ATP10B: variants seen among roughly 807,000 people sequenced by gnomAD.
ATP10B encodes phospholipid-transporting ATPase VB.
Under a neutral mutation model 141.2 loss-of-function variants are expected in ATP10B, and 122 were observed. That is an observed-to-expected ratio of 0.86 (90% CI 0.75 to 1.00). The LOEUF (loss-of-function observed/expected upper bound fraction) is 1.00. ATP10B is among the 50% of genes least tolerant of loss of function. The probability of loss-of-function intolerance (pLI) is 0.00; values close to 1 mark genes in which losing one functional copy is unlikely to be tolerated. For synonymous variants in ATP10B, 685 were observed against 692.0 expected (o/e 0.99, Z 0.16); for missense variants, 1,876 against 1,825.3 (o/e 1.03, Z -0.51).
At position 160,664,957 on chromosome 5, in the gene ATP10B, A is replaced by C. The variant is rs138830688; in HGVS notation, c.675+5506T>G. ...TTACAGAAGAGGTTTCAGGTATCAG[A>C]ATGTCACCAAAGAGAAAACTGTACG... On this transcript the variant is annotated intron_variant, in intron 7 of 25. Coordinates refer to ENST00000327245, the MANE Select transcript of ATP10B (RefSeq NM_025153.3). Among the ~76,000 whole-genome samples the C allele has an allele frequency of 9.5e-3, 1,449 of 152,306 alleles. 16 individuals carry two copies. The highest frequency in any genetic ancestry group is 0.032 in the African/African-American group (1,336 of 41,556).
At chr5:160,749,645 G>A (rs1266856194) in intron 2 of ATP10B, among the ~76,000 whole-genome samples, 1 of 152,064 alleles carries the variant, frequency 6.6e-6, no homozygotes, top group African/African-American at 2.4e-5. Flanking sequence ...CTCATACCTG[G>A]CATTTAAAAT....
chr5:160,609,580 T>C (rs1376494079), intron 18 of ATP10B, among the ~76,000 whole-genome samples: 2 of 152,162 alleles, frequency 1.3e-5, no homozygotes, highest in African/African-American at 4.8e-5. Context: ...GGTTTCACCA[T>C]TTTGGCCAGG....
intron 6 of ATP10B, among the ~76,000 whole-genome samples, chr5:160,671,969 CTTTTT>C (rs70990741): frequency 4.4e-5 from 3 of 68,412 alleles, no homozygotes; most frequent in East Asian, 4.8e-4. Flanking sequence ...GCAATGCATC[CTTTTT>C]TTTTTTTTTT....
intron 7 of ATP10B, among the ~76,000 whole-genome samples, chr5:160,664,068 A>G (rs910355352): frequency 1.3e-5 from 2 of 152,214 alleles, no homozygotes; most frequent in Non-Finnish European, 2.9e-5. Flanking sequence ...ATGAAGTCAT[A>G]TTTTAAAAGA....
intron 7 of ATP10B, among the ~76,000 whole-genome samples, chr5:160,650,218 A>G (rs1433051411): frequency 6.6e-6 from 1 of 151,906 alleles, no homozygotes; most frequent in Non-Finnish European, 1.5e-5. Flanking sequence ...ACATATGTAC[A>G]TATACACACA....
At chr5:160,568,012 C>A (rs986610769) in intron 25 of ATP10B, among the ~76,000 whole-genome samples, 1 of 152,084 alleles carries the variant, frequency 6.6e-6, no homozygotes, top group South Asian at 2.1e-4. Flanking sequence ...CATGAGTTAG[C>A]AGGTGATGTC....
chr5:160,928,966 C>T, the ATP10B span, among the ~76,000 whole-genome samples: 11 of 152,318 alleles, frequency 7.2e-5, no homozygotes, highest in South Asian at 6.2e-4. Context: ...CTACAACAGC[C>T]CTCATAACAC....
At chr5:160,643,815 G>T (rs1298282191) in intron 9 of ATP10B, among the ~76,000 whole-genome samples, 1 of 152,272 alleles carries the variant, frequency 6.6e-6, no homozygotes, top group Non-Finnish European at 1.5e-5. Flanking sequence ...GTTAAGTTTG[G>T]TGAGGTTATT....
Position 160,834,207 on chromosome 5 carries a change from C to A in ATP10B, c.-576+17734G>T, listed in dbSNP as rs147533001. Among the ~76,000 whole-genome samples, 911 of 152,088 alleles carry A rather than the reference C, an allele frequency of 6.0e-3. 13 individuals are homozygous for A. Among genetic ancestry groups the A allele is most frequent in the African/African-American group, 0.021 (868 of 41,468 alleles). On this transcript the variant is annotated intron_variant, in intron 1 of 25. Transcript: ENST00000327245. ...AGGTGTGGTGGTATAAGCCTGTAATCCTAGCTACTTGGGAGGCTGAGGCAT... is the reference window on the plus strand; with the variant it reads ...AGGTGTGGTGGTATAAGCCTGTAATACTAGCTACTTGGGAGGCTGAGGCAT...
At chr5:160,730,644 T>C (rs985847367) in intron 2 of ATP10B, among the ~76,000 whole-genome samples, 1 of 152,200 alleles carries the variant, frequency 6.6e-6, no homozygotes, top group Non-Finnish European at 1.5e-5. Flanking sequence ...GTAGCTTCTT[T>C]GAAGTTGTCC....
At chr5:160,655,281 CATTTAA>C (rs1427530680) in intron 7 of ATP10B, among the ~76,000 whole-genome samples, 1 of 151,816 alleles carries the variant, frequency 6.6e-6, no homozygotes, top group East Asian at 1.9e-4. Flanking sequence ...TATTTTTAAG[CATTTAA>C]ATTTTTTTTT....
chr5:160,908,420 A>C, the ATP10B span, among the ~76,000 whole-genome samples: 1 of 152,188 alleles, frequency 6.6e-6, no homozygotes, highest in Non-Finnish European at 1.5e-5. Flanking sequence ...TTGAACTAGT[A>C]AGTGAAAGAC....
intron 1 of ATP10B, among the ~76,000 whole-genome samples, chr5:160,825,349 C>G (rs892687703): frequency 1.3e-5 from 2 of 152,126 alleles, no homozygotes; most frequent in African/African-American, 4.8e-5. Context: ...GGCAGTTTCC[C>G]CCATACTGTT....
At chr5:160,927,627 T>G in the ATP10B span, among the ~76,000 whole-genome samples, 3 of 152,196 alleles carry the variant, frequency 2.0e-5, no homozygotes, top group Non-Finnish European at 2.9e-5. Context: ...TCATGATATC[T>G]CCTGTTCCCT....
chr5:160,620,162 G>A (rs1368078107), intron 15 of ATP10B, among the ~76,000 whole-genome samples, 185 bp downstream of exon 15: 1 of 152,176 alleles, frequency 6.6e-6, no homozygotes, highest in East Asian at 1.9e-4. Flanking sequence ...GATTCCCTAG[G>A]TCCAGGAGAT....
intron 2 of ATP10B, among the ~76,000 whole-genome samples, chr5:160,783,820 A>G (rs1166948235): frequency 2.0e-5 from 3 of 152,016 alleles, no homozygotes; most frequent in South Asian, 2.1e-4. Flanking sequence ...ACTGTTTTCC[A>G]TAGTGGTTGT....
the ATP10B span, among the ~76,000 whole-genome samples, chr5:160,873,712 C>A: frequency 1.3e-5 from 2 of 152,334 alleles, no homozygotes; most frequent in Admixed American, 1.3e-4. Context: ...CGAGGCACTG[C>A]CTCACTTGGG....
rs956111612 is a variant in ATP10B at position 160,603,343 on chromosome 5, G to T, written c.3237+622C>A. 1.9e-5 allele frequency: 3 copies of T among 154,164 alleles called. No homozygotes were observed. The East Asian group carries it at 5.7e-4, about 29-fold the overall frequency. 9.5% of individuals were successfully genotyped at this position (154,164 alleles called of 1,614,324 possible). ...TGTGATGATTATTAAAATTCAATGAGATCCTAAATGTGAAGTGTCTAACAC... is the reference window on the plus strand; with the variant it reads ...TGTGATGATTATTAAAATTCAATGATATCCTAAATGTGAAGTGTCTAACAC... On this transcript the variant is annotated intron_variant, in intron 20 of 25. Transcript: ENST00000327245.
At chr5:160,867,360 G>A in the ATP10B span, among the ~76,000 whole-genome samples, 1 of 151,948 alleles carries the variant, frequency 6.6e-6, no homozygotes, top group African/African-American at 2.4e-5. Context: ...TACTTACCTA[G>A]CTATAGCACT....
Sources: gnomAD v4.1 joint callset for allele counts (sites outside exome capture counted in the v4.1 genomes callset) on GRCh38, gnomAD v4.1.1 for gene constraint, MANE v1.5 for transcripts, NCBI Gene and HGNC (gene_info 2026-07-23, HGNC 2026-07-21) for gene names.